Variants in CIB1 observed in about 807,000 individuals in gnomAD.
CIB1 encodes the protein calcium and integrin binding 1, also known as calcium and integrin-binding protein 1.
CIB1 carries 19 observed loss-of-function variants against 25.0 expected under a neutral mutation model. The observed-to-expected ratio is 0.76, with a 90% confidence interval of 0.53 to 1.12. The LOEUF is 1.12. Among genes scored for constraint, CIB1 ranks in the 50% most tolerant of loss-of-function variants. The pLI is 0.00. For synonymous variants in CIB1, 104 were observed against 98.5 expected (o/e 1.06, Z -0.33); for missense variants, 236 against 242.6 (o/e 0.97, Z 0.18).
At chr15:90,258,615 G>C in the CIB1 span, 1 of 797,096 alleles carries the variant, frequency 1.3e-6, no homozygotes, top group African/African-American at 1.7e-5. Flanking sequence ...TTGGAAGCCA[G>C]AGCATCCAGC....
At chr15:90,241,144 G>A in the CIB1 span, 6,181 of 1,614,104 alleles carry the variant, frequency 3.8e-3, 231 homozygotes, top group African/African-American at 0.072. Context: ...TTTCGCTACC[G>A]TCTACGGGAG....
chr15:90,233,892 G>T lies in CIB1; in HGVS notation c.-7C>A. The T allele has an allele frequency of 6.8e-7, 1 of 1,467,896 alleles. No homozygotes were observed. Among genetic ancestry groups the T allele is most frequent in the Non-Finnish European group, 9.0e-7 (1 of 1,113,090 alleles). 90.9% of individuals were successfully genotyped at this position (1,467,896 alleles called of 1,614,324 possible). A position where few individuals can be genotyped will look rare whatever the true frequency, so the allele number is the denominator to read the frequency against. On this transcript the variant is annotated 5_prime_UTR_variant, in exon 1 of 7. Coordinates refer to ENST00000328649, the MANE Select transcript of CIB1 (RefSeq NM_006384.4). ...GACTGCCCGAGCCCCCCATCGCCCC[G>T]CCGCGCGCACAGCTCCGCCAACTCG... is the stretch of plus-strand genomic sequence containing the variant.
the CIB1 span, among the ~76,000 whole-genome samples, chr15:90,253,726 A>G: frequency 2.6e-5 from 4 of 152,290 alleles, no homozygotes; most frequent in African/African-American, 9.6e-5. Flanking sequence ...CAGCCTTCTA[A>G]GCAACTTAGT....
chr15:90,241,666 C>A, the CIB1 span: 2 of 1,614,124 alleles, frequency 1.2e-6, no homozygotes, highest in African/African-American at 2.7e-5. Flanking sequence ...CTCCCAGCTC[C>A]TGGCTTCCTC....
At chr15:90,234,085 A>T, upstream of CIB1, 1 of 438,724 alleles carries the variant, frequency 2.3e-6, no homozygotes, top group Non-Finnish European at 3.7e-6. Context: ...AAGCGGTCCT[A>T]GGCGAGCTGG....
chr15:90,240,604 G>A, the CIB1 span, among the ~76,000 whole-genome samples: 1 of 152,140 alleles, frequency 6.6e-6, no homozygotes, highest in Non-Finnish European at 1.5e-5. Flanking sequence ...CCCGATGTCA[G>A]GAGTTCAAGA....
the CIB1 span, chr15:90,257,839 T>C: frequency 1.8e-6 from 2 of 1,088,796 alleles, no homozygotes; most frequent in Non-Finnish European, 2.7e-6. Context: ...TCAGCCTTTA[T>C]AGACCCTGTC....
chr15:90,264,495 A>G, the CIB1 span, among the ~76,000 whole-genome samples: 1 of 152,280 alleles, frequency 6.6e-6, no homozygotes, highest in East Asian at 1.9e-4. Flanking sequence ...TGTACACTAG[A>G]CCCTGGTGAT....
In CIB1 at chr15:90,231,111, T is replaced by C; in HGVS notation, c.449A>G (p.Lys150Arg). ...EDTRLSASEM[K>R]QLIDNILEES... ...GCTGCTCACGTTGTCGATGAGCTGC[T>C]TCATCTCAGACGCACTAAGCCGTGT... is the stretch of plus-strand genomic sequence containing the variant. The change falls in exon 5 of 7, where the codon AAG (lysine) becomes AGG (arginine). Residue 150 changes from lysine to arginine, a missense_variant. Coordinates refer to ENST00000328649, the MANE Select transcript of CIB1 (RefSeq NM_006384.4). 6.2e-7 allele frequency: 1 copy of C among 1,614,210 alleles called. No individual in the cohort carries two copies. Among genetic ancestry groups the C allele is most frequent in the Non-Finnish European group, 8.5e-7 (1 of 1,180,028 alleles).
the CIB1 span, among the ~76,000 whole-genome samples, chr15:90,240,107 C>CTAT: frequency 1.3e-5 from 2 of 152,024 alleles, no homozygotes; most frequent in African/African-American, 2.4e-5. Context: ...CCTATAATCC[C>CTAT]AGCTACTTGG....
the CIB1 span, among the ~76,000 whole-genome samples, chr15:90,247,284 T>A: frequency 6.7e-6 from 1 of 149,838 alleles, no homozygotes; most frequent in Non-Finnish European, 1.5e-5. Flanking sequence ...TTTTTTTCTT[T>A]TCTTTTCTTT....
chr15:90,248,705 CA>C, the CIB1 span, among the ~76,000 whole-genome samples: 1 of 92,678 alleles, frequency 1.1e-5, no homozygotes, highest in Non-Finnish European at 2.1e-5. Context: ...GGCTACAAAG[CA>C]AGACCCTGTC....
the CIB1 span, chr15:90,262,015 A>C: frequency 2.6e-6 from 4 of 1,533,054 alleles, no homozygotes; most frequent in Non-Finnish European, 3.5e-6. Context: ...GGAAAGAAAA[A>C]ACTGAGTCAT....
At chr15:90,254,478 G>GT in the CIB1 span, among the ~76,000 whole-genome samples, 1 of 122,046 alleles carries the variant, frequency 8.2e-6, no homozygotes, top group East Asian at 3.8e-4. Flanking sequence ...GGGTGACAGA[G>GT]TGAGACTCCA....
At chr15:90,265,601 G>T in the CIB1 span, 2 of 1,441,166 alleles carry the variant, frequency 1.4e-6, no homozygotes, top group Admixed American at 4.1e-5. Flanking sequence ...AAGTGAAGCG[G>T]GAAATAACTT....
chr15:90,241,537 G>T, the CIB1 span: 1 of 1,613,396 alleles, frequency 6.2e-7, no homozygotes, highest in African/African-American at 1.3e-5. Context: ...AGCCTGGGAG[G>T]CTTGGCCTCG....
At chr15:90,264,646 G>A in the CIB1 span, 9 of 1,490,250 alleles carry the variant, frequency 6.0e-6, no homozygotes, top group Admixed American at 6.2e-5. Flanking sequence ...TGGTAATTGG[G>A]CCACAGTTGG....
chr15:90,263,733 C>T, the CIB1 span: 3 of 680,362 alleles, frequency 4.4e-6, no homozygotes, highest in Admixed American at 6.2e-5. Context: ...CTGCTCTTCT[C>T]CTCTAGCCTA....
the CIB1 span, chr15:90,243,090 C>T: frequency 1.3e-5 from 2 of 152,184 alleles, no homozygotes; most frequent in African/African-American, 2.4e-5. Context: ...ATTTTGTCTT[C>T]CTTTGATATC....
Sources: allele counts gnomAD v4.1 joint callset (sites outside exome capture counted in the v4.1 genomes callset), GRCh38; gene constraint gnomAD v4.1.1; transcripts MANE v1.5; gene names NCBI Gene and HGNC (gene_info 2026-07-23, HGNC 2026-07-21).